Variants in CCDC91 observed in about 807,000 individuals in gnomAD.
The protein encoded by CCDC91 is coiled-coil domain containing 91.
In CCDC91, 48 loss-of-function variants were observed where a neutral mutation model predicts 63.2. That is an observed-to-expected ratio of 0.76 (90% CI 0.60 to 0.97). The LOEUF (loss-of-function observed/expected upper bound fraction) is 0.97, where lower values mean the gene tolerates loss of function less well. Ranked by LOEUF, CCDC91 falls within the 50% of genes least tolerant of loss-of-function variation. The probability of loss-of-function intolerance (pLI) is 0.00; values close to 1 mark genes in which losing one functional copy is unlikely to be tolerated. For missense variants in CCDC91, 500 were observed against 494.6 expected (o/e 1.01, Z -0.10); for synonymous variants, 167 against 165.8 (o/e 1.01, Z -0.06).
intron 6 of CCDC91, among the ~76,000 whole-genome samples, chr12:28,310,061 T>C (rs1467153556): frequency 6.6e-6 from 1 of 152,068 alleles, no homozygotes; most frequent in Non-Finnish European, 1.5e-5. Flanking sequence ...ATGAATTGAA[T>C]AGATGAACTA....
chr12:28,218,158 CT>C (rs1231167854), intron 1 of CCDC91, among the ~76,000 whole-genome samples: 3 of 151,970 alleles, frequency 2.0e-5, no homozygotes, highest in Non-Finnish European at 4.4e-5. Context: ...CCCCTAATAT[CT>C]TACTCCTTTC....
intron 8 of CCDC91, among the ~76,000 whole-genome samples, chr12:28,415,390 A>G (rs913842928): frequency 6.6e-6 from 1 of 151,826 alleles, no homozygotes; most frequent in African/African-American, 2.4e-5. Flanking sequence ...TGCCCGGCTA[A>G]TTTTTTATTT....
intron 6 of CCDC91, among the ~76,000 whole-genome samples, chr12:28,349,642 G>GA (rs1943048681): frequency 1.3e-5 from 2 of 152,098 alleles, no homozygotes; most frequent in African/African-American, 4.8e-5. Context: ...CTTCTCTAGA[G>GA]AAGGTCCATT....
intron 1 of CCDC91, among the ~76,000 whole-genome samples, chr12:28,223,293 G>A (rs1389006294): frequency 6.6e-6 from 1 of 152,130 alleles, no homozygotes; most frequent in African/African-American, 2.4e-5. Flanking sequence ...TAGGTGGACA[G>A]TTGGTGATGC....
chr12:28,305,715 T>C lies in CCDC91; in HGVS notation c.176T>C (p.Ile59Thr). 1 of 1,613,342 alleles carries C rather than the reference T, an allele frequency of 6.2e-7. No homozygotes were observed. The highest frequency in any genetic ancestry group is 8.5e-7 in the Non-Finnish European group (1 of 1,179,496). Residue 59 changes from isoleucine to threonine, a missense_variant, in exon 4 of 13, where the codon ATT becomes ACT. Coordinates refer to ENST00000536442, the MANE Select transcript of CCDC91 (RefSeq NM_018318.5). ...CTGGACCGTGACCACTCTTCTTCCATTGGCTGCCTCTCTTCTGATGCCATT... is the reference window on the plus strand; with the variant it reads ...CTGGACCGTGACCACTCTTCTTCCACTGGCTGCCTCTCTTCTGATGCCATT... ...IVLDRDHSSS[I>T]GCLSSDAIIS...
intron 12 of CCDC91, among the ~76,000 whole-genome samples, chr12:28,495,587 CA>C (rs1368255803): frequency 5.3e-5 from 8 of 151,712 alleles, no homozygotes; most frequent in African/African-American, 1.9e-4. Context: ...CTACAGAAGG[CA>C]GACACTGTTG....
rs535284932 is a variant in CCDC91, at chr12:28,464,296, G to C, written c.1101+11642G>C. Among the ~76,000 whole-genome samples, 3 of 152,288 alleles carry C rather than the reference G, an allele frequency of 2.0e-5. No individual in the cohort carries two copies. The South Asian group carries it at 6.2e-4, about 32-fold the overall frequency. ...GACTGCAATATCTAGGTGAGTCTTA[G>C]CACAGAACCAGGCCAAAAGCCAGTG... On this transcript the variant is annotated intron_variant, in intron 11 of 12. Coordinates refer to ENST00000536442, the MANE Select transcript of CCDC91 (RefSeq NM_018318.5).
At chr12:28,298,870 C>T (rs537699012) in intron 3 of CCDC91, among the ~76,000 whole-genome samples, 80 of 151,126 alleles carry the variant, frequency 5.3e-4, no homozygotes, top group African/African-American at 1.9e-3. Context: ...TATTTTTAAC[C>T]CAAATTTTGT....
At chr12:28,322,258 C>T (rs1262317164) in intron 6 of CCDC91, among the ~76,000 whole-genome samples, 2 of 151,854 alleles carry the variant, frequency 1.3e-5, no homozygotes, top group Non-Finnish European at 2.9e-5. Context: ...TGTGAAATCA[C>T]AGAGCAGCAT....
chr12:28,495,438 T>G (rs1398914674), intron 12 of CCDC91, among the ~76,000 whole-genome samples: 1 of 151,672 alleles, frequency 6.6e-6, no homozygotes, highest in East Asian at 1.9e-4. Flanking sequence ...GGTCAGAGCA[T>G]TCTGATTACA....
chr12:28,264,039 A>G (rs1947002850), intron 3 of CCDC91, among the ~76,000 whole-genome samples: 2 of 151,750 alleles, frequency 1.3e-5, no homozygotes, highest in Admixed American at 6.6e-5. Flanking sequence ...TCTCAATGCA[A>G]ACATATGACC....
chr12:28,414,155 G>A (rs368024698), intron 8 of CCDC91, among the ~76,000 whole-genome samples: 8 of 152,112 alleles, frequency 5.3e-5, no homozygotes, highest in East Asian at 3.9e-4. Flanking sequence ...ATCAAAACTC[G>A]TTTGTCTTTG....
At chr12:28,479,076 C>T in intron 11 of CCDC91, among the ~76,000 whole-genome samples, 1 of 152,210 alleles carries the variant, frequency 6.6e-6, no homozygotes, top group Admixed American at 6.5e-5. Context: ...GGATCTAGAA[C>T]TAGAAATAGC....
intron 1 of CCDC91, among the ~76,000 whole-genome samples, chr12:28,203,537 A>G (rs1942620427): frequency 6.6e-6 from 1 of 152,230 alleles, no homozygotes; most frequent in African/African-American, 2.4e-5. Context: ...AATTTCCCAT[A>G]TGTAGCAAAC....
chr12:28,207,106 C>G (rs1422044846), intron 1 of CCDC91, among the ~76,000 whole-genome samples: 1 of 152,210 alleles, frequency 6.6e-6, no homozygotes, highest in Non-Finnish European at 1.5e-5. Flanking sequence ...TAAGTGCATA[C>G]AACAGACCTT....
chr12:28,284,551 G>A (rs1310448613), intron 3 of CCDC91, among the ~76,000 whole-genome samples: 1 of 151,954 alleles, frequency 6.6e-6, no homozygotes, highest in African/African-American at 2.4e-5. Context: ...ACTCAGGAAG[G>A]CTGAGGCAGG....
intron 6 of CCDC91, among the ~76,000 whole-genome samples, chr12:28,315,183 GAGA>G (rs1939726605): frequency 6.7e-6 from 1 of 150,284 alleles, no homozygotes; most frequent in Admixed American, 6.7e-5. Context: ...TTTTGTTTTT[GAGA>G]AGGAGTTTCG....
chr12:28,496,120 A>G (rs1361677965), intron 12 of CCDC91, among the ~76,000 whole-genome samples: 1 of 151,612 alleles, frequency 6.6e-6, no homozygotes, highest in African/African-American at 2.4e-5. Flanking sequence ...AGTTTATTAA[A>G]ACGATATTAG....
intron 1 of CCDC91, among the ~76,000 whole-genome samples, chr12:28,252,255 C>G (rs1472679072): frequency 1.3e-5 from 2 of 151,458 alleles, no homozygotes; most frequent in African/African-American, 4.8e-5. Context: ...GGTTTTTTTT[C>G]TTCTTTTTTT....
Sources: allele counts gnomAD v4.1 joint callset (sites outside exome capture counted in the v4.1 genomes callset), GRCh38; gene constraint gnomAD v4.1.1; transcripts MANE v1.5; gene names NCBI Gene and HGNC (gene_info 2026-07-23, HGNC 2026-07-21).